NELL1: variants seen among roughly 807,000 people sequenced by gnomAD.
NELL1 encodes protein kinase C-binding protein NELL1.
NELL1 carries 76 observed loss-of-function variants against 107.4 expected under a neutral mutation model. That is an observed-to-expected ratio of 0.71 (90% CI 0.59 to 0.86). NELL1 has a LOEUF of 0.86. NELL1 is among the 40% of genes least tolerant of loss of function. The pLI, the probability that NELL1 is intolerant of heterozygous loss-of-function variation, is 0.00. For missense variants in NELL1, 1,024 were observed against 1,005.5 expected (o/e 1.02, Z -0.25); for synonymous variants, 353 against 341.2 (o/e 1.03, Z -0.38).
intron 3 of NELL1, among the ~76,000 whole-genome samples, chr11:20,813,089 T>C (rs1233658868): frequency 1.4e-5 from 2 of 146,928 alleles, no homozygotes; most frequent in Admixed American, 6.7e-5. Flanking sequence ...GAAAGCTAAA[T>C]TGATTCCATG....
At chr11:20,806,663 A>G (rs1025582667) in intron 3 of NELL1, among the ~76,000 whole-genome samples, 10 of 152,144 alleles carry the variant, frequency 6.6e-5, no homozygotes, top group Non-Finnish European at 1.2e-4. Context: ...TTTAAGGCCA[A>G]TAACTCATAG....
intron 12 of NELL1, among the ~76,000 whole-genome samples, chr11:21,109,979 G>A (rs1040153929): frequency 5.9e-5 from 9 of 152,052 alleles, no homozygotes; most frequent in African/African-American, 1.4e-4. Context: ...TCCCAAAACC[G>A]TGAGAGTTGC....
intron 12 of NELL1, among the ~76,000 whole-genome samples, chr11:21,064,458 A>G (rs547212176): frequency 4.6e-5 from 7 of 152,306 alleles, no homozygotes; most frequent in Admixed American, 3.3e-4. Context: ...TTTTGAAGCT[A>G]GAGCCGATAG....
At chr11:21,274,148 C>G (rs1432300879) in intron 14 of NELL1, among the ~76,000 whole-genome samples, 1 of 152,150 alleles carries the variant, frequency 6.6e-6, no homozygotes, top group Non-Finnish European at 1.5e-5. Flanking sequence ...GTGCTGTATT[C>G]AGGAAACCCA....
chr11:21,142,410 T>C (rs1225733085), intron 13 of NELL1, among the ~76,000 whole-genome samples: 3 of 152,220 alleles, frequency 2.0e-5, no homozygotes, highest in Non-Finnish European at 4.4e-5. Flanking sequence ...TCCCTTGCTA[T>C]CTGGGTCCCA....
chr11:20,708,884 G>A (rs1174394637), intron 2 of NELL1, among the ~76,000 whole-genome samples: 1 of 152,112 alleles, frequency 6.6e-6, no homozygotes, highest in African/African-American at 2.4e-5. Flanking sequence ...TGTGGTGGGG[G>A]CAGGCGATGG....
Position 21,177,928 on chromosome 11 carries a change from C to T in NELL1, c.1427-51404C>T, listed in dbSNP as rs567133225. Among the ~76,000 whole-genome samples the T allele has an allele frequency of 2.0e-5, 3 of 151,790 alleles. 1 individual carries two copies. In the East Asian group the frequency reaches 5.8e-4, roughly 29 times the overall value. ...TTTGTGTGTCTTTTTTGAAACACTTCTATGCAGGTGCTTTGCTCATTTTAA... is the reference window on the plus strand; with the variant it reads ...TTTGTGTGTCTTTTTTGAAACACTTTTATGCAGGTGCTTTGCTCATTTTAA... On this transcript the variant is annotated intron_variant, in intron 13 of 19. Transcript: ENST00000357134.
chr11:21,198,156 G>C (rs565955760), intron 13 of NELL1, among the ~76,000 whole-genome samples: 6 of 152,158 alleles, frequency 3.9e-5, no homozygotes, highest in Non-Finnish European at 8.8e-5. Flanking sequence ...GACTCAGCTG[G>C]GGCTATCAAC....
intron 14 of NELL1, among the ~76,000 whole-genome samples, chr11:21,270,227 C>G (rs547582768): frequency 6.6e-6 from 1 of 151,924 alleles, no homozygotes; most frequent in South Asian, 2.1e-4. Context: ...CTAAATATAC[C>G]AATTAAAAGA....
chr11:21,206,662 C>T (rs1253856461), intron 13 of NELL1, among the ~76,000 whole-genome samples: 4 of 152,098 alleles, frequency 2.6e-5, no homozygotes, highest in African/African-American at 9.7e-5. Context: ...GACAGGGAGC[C>T]ACAACCACTG....
At chr11:20,901,102 G>T (rs1480679036) in intron 5 of NELL1, among the ~76,000 whole-genome samples, 1 of 152,046 alleles carries the variant, frequency 6.6e-6, no homozygotes, top group African/African-American at 2.4e-5. Context: ...ATTCAACATT[G>T]TACTGGAGGT....
At position 21,371,015 on chromosome 11, in the gene NELL1, A is replaced by G. The variant is rs1590876230; in HGVS notation, c.1645+67A>G. The G allele has an allele frequency of 3.4e-6, 4 of 1,165,836 alleles. No individual in the cohort carries two copies. In the East Asian group the frequency reaches 1.0e-4, roughly 29 times the overall value. 72.2% of individuals were successfully genotyped at this position (1,165,836 alleles called of 1,614,324 possible). A position where few individuals can be genotyped will look rare whatever the true frequency, so the allele number is the denominator to read the frequency against. On this transcript the variant is annotated intron_variant, in intron 15 of 19. Transcript: ENST00000357134. The stretch of plus-strand genomic sequence containing the variant: ...TAGAAAGATTGATTCAGAAAGAATA[A>G]CAGCTCTTTCTTTAGAAATAATACT...
At chr11:21,507,495 C>T (rs1265192187) in intron 15 of NELL1, among the ~76,000 whole-genome samples, 1 of 152,092 alleles carries the variant, frequency 6.6e-6, no homozygotes. Context: ...ATGTCCAAGC[C>T]TTTAGAAAAT....
intron 12 of NELL1, among the ~76,000 whole-genome samples, chr11:20,993,791 A>AT (rs1046200047): frequency 4.0e-5 from 6 of 150,694 alleles, no homozygotes; most frequent in Non-Finnish European, 7.4e-5. Flanking sequence ...ACAAACATCA[A>AT]TTTTTTTCCC....
rs78564756 is a variant in NELL1, at chr11:21,255,178, C to G, written c.1549+25724C>G. On this transcript the variant is annotated intron_variant, in intron 14 of 19. Coordinates refer to ENST00000357134, the MANE Select transcript of NELL1 (RefSeq NM_006157.5). ...CTATTCGGGTGACAACATCTTCCCCCCCGGAGGTTAAGCTGAGGTTGACAT... is the reference window on the plus strand; with the variant it reads ...CTATTCGGGTGACAACATCTTCCCCGCCGGAGGTTAAGCTGAGGTTGACAT... Among the ~76,000 whole-genome samples the G allele has an allele frequency of 2.2e-4, 34 of 152,180 alleles. No individual in the cohort carries two copies. The East Asian group carries it at 6.2e-3, about 28-fold the overall frequency.
intron 15 of NELL1, among the ~76,000 whole-genome samples, chr11:21,436,644 T>C (rs1229829128): frequency 2.0e-5 from 3 of 152,144 alleles, no homozygotes; most frequent in Non-Finnish European, 4.4e-5. Flanking sequence ...TTATTTCTGC[T>C]CTGATATTCA....
At chr11:20,818,405 G>A (rs1857671815) in intron 3 of NELL1, among the ~76,000 whole-genome samples, 1 of 85,846 alleles carries the variant, frequency 1.2e-5, no homozygotes, top group Non-Finnish European at 2.1e-5. Flanking sequence ...AGCAACCCCT[G>A]CTTTTTTTTT....
intron 11 of NELL1, among the ~76,000 whole-genome samples, chr11:20,953,705 C>A (rs1193198599): frequency 2.0e-5 from 3 of 152,316 alleles, no homozygotes; most frequent in Admixed American, 6.5e-5. Context: ...TTGTACATAT[C>A]ACGGGCCCAT....
chr11:20,992,740 G>A (rs1590512022), intron 12 of NELL1, among the ~76,000 whole-genome samples: 1 of 105,148 alleles, frequency 9.5e-6, no homozygotes, highest in Non-Finnish European at 1.9e-5. Context: ...TTGAAACAGA[G>A]TTTCTCTCCT....
Sources: allele counts gnomAD v4.1 joint callset (sites outside exome capture counted in the v4.1 genomes callset), GRCh38; gene constraint gnomAD v4.1.1; transcripts MANE v1.5; gene names NCBI Gene and HGNC (gene_info 2026-07-23, HGNC 2026-07-21).